The following FBXL20 variants were observed in gnomAD, a reference collection of about 807,000 sequenced individuals.
The protein encoded by FBXL20 is F-box and leucine rich repeat protein 20, also known as F-box/LRR-repeat protein 20.
Under a neutral mutation model 64.0 loss-of-function variants are expected in FBXL20, and 11 were observed. The ratio of observed to expected loss-of-function variants is 0.17; its 90% confidence interval spans 0.11 to 0.28. FBXL20 has a LOEUF of 0.28. Among genes scored for constraint, FBXL20 ranks in the 10% least tolerant of loss-of-function variants. The pLI is 1.00. For missense variants in FBXL20, 303 were observed against 526.2 expected, an observed-to-expected ratio of 0.58 and a Z score of 4.15; for synonymous variants, 184 against 189.0, an observed-to-expected ratio of 0.97 and a Z score of 0.22.
chr17:39,275,008 G>C lies in FBXL20; in HGVS notation c.789C>G (p.Ala263=), dbSNP rs1304733862. ...CASGCSNITD[A]ILNALGQNCP... ...AGTTCTGACCTAGAGCATTCAGGAT[G>C]GCATCTGTGATGTTGGAGCAGCCAG... The change falls in exon 10 of 15, where the codon GCC becomes GCG. Residue 263 remains alanine (A), a synonymous_variant. Coordinates refer to ENST00000264658, the MANE Select transcript of FBXL20 (RefSeq NM_032875.3). 4 of 1,614,084 alleles carry C rather than the reference G, an allele frequency of 2.5e-6. No homozygotes were observed. The highest frequency in any genetic ancestry group is 3.4e-6 in the Non-Finnish European group (4 of 1,180,004).
chr17:39,332,151 C>A (rs1004249589), intron 2 of FBXL20, among the ~76,000 whole-genome samples: 1 of 152,158 alleles, frequency 6.6e-6, no homozygotes, highest in South Asian at 2.1e-4. Flanking sequence ...TTTTTCCACA[C>A]CTTCAACTCC....
At chr17:39,296,610 A>G (rs1023190522) in intron 6 of FBXL20, among the ~76,000 whole-genome samples, 2 of 151,884 alleles carry the variant, frequency 1.3e-5, no homozygotes, top group Non-Finnish European at 2.9e-5. Flanking sequence ...GAGTTAATGA[A>G]TAACTACCCT....
chr17:39,258,672 T>C lies in FBXL20; in HGVS notation c.*2788A>G, dbSNP rs1051679108. The C allele has an allele frequency of 1.3e-5, 2 of 152,254 alleles. No homozygotes were observed. The highest frequency in any genetic ancestry group is 2.4e-5 in the African/African-American group (1 of 41,478). The allele number at this position is 152,254 out of a possible 1,614,324, so 9.4% of individuals were successfully genotyped here. A position where few individuals can be genotyped will look rare whatever the true frequency, so the allele number is the denominator to read the frequency against. On this transcript the variant is annotated 3_prime_UTR_variant, in exon 15 of 15. Coordinates refer to ENST00000264658, the MANE Select transcript of FBXL20 (RefSeq NM_032875.3). ...TCTTTTAAGTAAAGAAGTACCTTAATAGCCTCAACTTAGGCAACTCAAATC... is the reference window on the plus strand; with the variant it reads ...TCTTTTAAGTAAAGAAGTACCTTAACAGCCTCAACTTAGGCAACTCAAATC...
chr17:39,257,652 A>G lies in FBXL20; in HGVS notation c.*3808T>C, dbSNP rs190996900. 5.9e-5 allele frequency: 9 copies of G among 152,378 alleles called. No individual in the cohort carries two copies. The highest frequency in any genetic ancestry group is 1.0e-4 in the Non-Finnish European group (7 of 68,034). 9.4% of individuals were successfully genotyped at this position (152,378 alleles called of 1,614,324 possible). The stretch of plus-strand genomic sequence containing the variant: ...TAAACTGAATTCAAATTCAGTATGC[A>G]AACACCAAAGACCACCCAATGAAAA... On this transcript the variant is annotated 3_prime_UTR_variant, in exon 15 of 15. Transcript: ENST00000264658.
chr17:39,351,001 G>C lies in FBXL20; in HGVS notation c.43-7760C>G, dbSNP rs111563168. On this transcript the variant is annotated intron_variant, in intron 1 of 14. Coordinates refer to ENST00000264658, the MANE Select transcript of FBXL20 (RefSeq NM_032875.3). ...CTCAGGAAAAAATAACACATAACCA[G>C]AATATTATCACTTGAAGTGACACAG... 8.0e-4 allele frequency among the ~76,000 whole-genome samples: 121 copies of C among 152,170 alleles called. 1 individual carries two copies. The highest frequency in any genetic ancestry group is 2.8e-3 in the African/African-American group (118 of 41,526).
rs117243039 is a variant in FBXL20, at chr17:39,390,288, G to A, written c.42+11073C>T. 1.0e-2 allele frequency among the ~76,000 whole-genome samples: 1,518 copies of A among 152,152 alleles called. 12 individuals are homozygous for A. The highest frequency in any genetic ancestry group is 0.027 in the East Asian group (142 of 5,178). On this transcript the variant is annotated intron_variant, in intron 1 of 14. Coordinates refer to ENST00000264658, the MANE Select transcript of FBXL20 (RefSeq NM_032875.3). ...AATACAAAAATTGGCCAGACGCGGTGGCTCACACCTGTAATCAATCCCAGC... is the reference window on the plus strand; with the variant it reads ...AATACAAAAATTGGCCAGACGCGGTAGCTCACACCTGTAATCAATCCCAGC...
At position 39,254,127 on chromosome 17, in the gene FBXL20, G is replaced by C. The variant is rs1400776668; in HGVS notation, c.*7333C>G. On this transcript the variant is annotated 3_prime_UTR_variant, in exon 15 of 15. Transcript: ENST00000264658. ...GAGTCTCACTCCGTTGCCCAGGCTG[G>C]AGTGCAGTGGCGTGATCTCGGCTCA... is the stretch of plus-strand genomic sequence containing the variant. 6.6e-6 allele frequency: 1 copy of C among 152,170 alleles called. No homozygotes were observed. Among genetic ancestry groups the C allele is most frequent in the Non-Finnish European group, 1.5e-5 (1 of 68,042 alleles). The allele number at this position is 152,170 out of a possible 1,614,324, so 9.4% of individuals were successfully genotyped here.
intron 2 of FBXL20, among the ~76,000 whole-genome samples, chr17:39,328,986 C>G (rs2047435626): frequency 6.6e-6 from 1 of 152,076 alleles, no homozygotes; most frequent in Admixed American, 6.6e-5. Context: ...AGCAGGAGTT[C>G]AAGGGTGCAG....
Position 39,260,302 on chromosome 17 carries a change from G to A in FBXL20, c.*1158C>T, listed in dbSNP as rs926695801. Reference sequence around the variant, plus strand: ...CATTAATCATTAATGTCTGAACTTGGGTGTTGGGGACTTTCAGGCTCTGTT... The same window carrying A: ...CATTAATCATTAATGTCTGAACTTGAGTGTTGGGGACTTTCAGGCTCTGTT... On this transcript the variant is annotated 3_prime_UTR_variant, in exon 15 of 15. Transcript: ENST00000264658. The A allele has an allele frequency of 6.6e-6, 1 of 152,020 alleles. No individual in the cohort carries two copies. The highest frequency in any genetic ancestry group is 1.5e-5 in the Non-Finnish European group (1 of 68,010). 9.4% of individuals were successfully genotyped at this position (152,020 alleles called of 1,614,324 possible). A position where few individuals can be genotyped will look rare whatever the true frequency, so the allele number is the denominator to read the frequency against.
intron 2 of FBXL20, among the ~76,000 whole-genome samples, chr17:39,324,432 G>A (rs1004658166): frequency 6.6e-6 from 1 of 151,654 alleles, no homozygotes; most frequent in Non-Finnish European, 1.5e-5. Context: ...GGGATTACAG[G>A]CACTTGCCAC....
intron 3 of FBXL20, among the ~76,000 whole-genome samples, chr17:39,302,532 C>A (rs2047146283): frequency 6.6e-6 from 1 of 152,078 alleles, no homozygotes; most frequent in Non-Finnish European, 1.5e-5. Context: ...CGCCTCCATG[C>A]CTGGCTAATT....
intron 10 of FBXL20, among the ~76,000 whole-genome samples, chr17:39,274,228 G>A (rs747936526): frequency 1.3e-5 from 2 of 152,168 alleles, no homozygotes; most frequent in Non-Finnish European, 2.9e-5. Flanking sequence ...CAAGTACTAT[G>A]TAAGTTTATT....
intron 1 of FBXL20, among the ~76,000 whole-genome samples, chr17:39,351,278 G>C (rs2047684684): frequency 6.7e-6 from 1 of 150,108 alleles, no homozygotes; most frequent in African/African-American, 2.5e-5. Context: ...GGAGGTTGCA[G>C]TGAGCTGAGA....
chr17:39,339,454 G>T (rs1382477106), intron 2 of FBXL20, among the ~76,000 whole-genome samples: 2 of 152,086 alleles, frequency 1.3e-5, no homozygotes, highest in Non-Finnish European at 2.9e-5. Flanking sequence ...GTGACAGCAG[G>T]AGACTTTTCT....
intron 1 of FBXL20, among the ~76,000 whole-genome samples, chr17:39,392,537 T>C (rs1223565415): frequency 6.6e-6 from 1 of 151,632 alleles, no homozygotes; most frequent in Admixed American, 6.6e-5. Flanking sequence ...CTTGGACCTA[T>C]AAAAAAAGGG....
chr17:39,338,535 A>AAATAAT (rs34989636), intron 2 of FBXL20, among the ~76,000 whole-genome samples: 14 of 151,220 alleles, frequency 9.3e-5, no homozygotes, highest in South Asian at 4.2e-4. Context: ...GATCAATAAA[A>AAATAAT]AATAATAATA....
In FBXL20 at chr17:39,277,190, G is replaced by A. The variant is rs181552184; in HGVS notation, c.697-2090C>T. On this transcript the variant is annotated intron_variant, in intron 9 of 14. Coordinates refer to ENST00000264658, the MANE Select transcript of FBXL20 (RefSeq NM_032875.3). The stretch of plus-strand genomic sequence containing the variant: ...ATAGATTAAAAAAATTGGATGCTAA[G>A]GCAGATACTAATGAGGATCAAGTAA... Among the ~76,000 whole-genome samples, 298 of 152,302 alleles carry A rather than the reference G, an allele frequency of 2.0e-3. 3 individuals are homozygous for A. The highest frequency in any genetic ancestry group is 0.01 in the Middle Eastern group (3 of 294).
intron 1 of FBXL20, among the ~76,000 whole-genome samples, chr17:39,358,579 G>A (rs986338593): frequency 1.5e-4 from 23 of 152,128 alleles, no homozygotes; most frequent in Admixed American, 9.2e-4. Context: ...CCTACTCAGA[G>A]GCTAAGGCAG....
chr17:39,381,479 CAA>C (rs35767863), intron 1 of FBXL20, among the ~76,000 whole-genome samples: 44 of 67,812 alleles, frequency 6.5e-4, no homozygotes, highest in Non-Finnish European at 3.5e-4. Flanking sequence ...GACTCTGTCT[CAA>C]AAAAAAAAAA....
Sources: allele counts gnomAD v4.1 joint callset (sites outside exome capture counted in the v4.1 genomes callset), GRCh38; gene constraint gnomAD v4.1.1; transcripts MANE v1.5; gene names NCBI Gene and HGNC (gene_info 2026-07-23, HGNC 2026-07-21).